The following CMKLR1 variants were observed in gnomAD, a reference collection of about 807,000 sequenced individuals.
CMKLR1 encodes the protein chemerin-like receptor 1.
A neutral mutation model predicts 8.2 loss-of-function variants in CMKLR1; 6 were observed. The ratio of observed to expected loss-of-function variants is 0.73; its 90% CI spans 0.40 to 1.44. The LOEUF (loss-of-function observed/expected upper bound fraction) is 1.44, where lower values mean the gene tolerates loss of function less well. Ranked by LOEUF, CMKLR1 falls within the 40% of genes most tolerant of loss-of-function variation. CMKLR1 has a pLI of 0.02. For synonymous variants in CMKLR1, 178 were observed against 181.2 expected (o/e 0.98, Z 0.14); for missense variants, 429 against 478.0 (o/e 0.90, Z 0.96).
intron 2 of CMKLR1, among the ~76,000 whole-genome samples, chr12:108,325,456 AC>A (rs1399469001): frequency 2.6e-5 from 4 of 152,062 alleles, no homozygotes; most frequent in African/African-American, 9.7e-5. Context: ...GGCAACTTGC[AC>A]CCCTACTGTT....
At position 108,291,243 on chromosome 12, in the gene CMKLR1, A is replaced by T. The variant is rs1890954923; in HGVS notation, c.*598T>A. 6.5e-6 allele frequency: 1 copy of T among 152,872 alleles called. No homozygotes were observed. Among genetic ancestry groups the T allele is most frequent in the East Asian group, 1.9e-4 (1 of 5,200 alleles). 9.5% of individuals were successfully genotyped at this position (152,872 alleles called of 1,614,324 possible). A position where few individuals can be genotyped will look rare whatever the true frequency, so the allele number is the denominator to read the frequency against. On this transcript the variant is annotated 3_prime_UTR_variant, in exon 4 of 4. Transcript: ENST00000550402. ...AGAGCCCACAGGACCTCTCAGGACC[A>T]GTTCTCTGTCTTCCTAGCTGATCCG... is the stretch of plus-strand genomic sequence containing the variant.
intron 1 of CMKLR1, among the ~76,000 whole-genome samples, chr12:108,335,219 G>C (rs910364852): frequency 6.6e-6 from 1 of 152,190 alleles, no homozygotes; most frequent in African/African-American, 2.4e-5. Context: ...GGCTGGGAAA[G>C]AGCTGCTCTT....
At chr12:108,311,603 G>T (rs768267027) in intron 2 of CMKLR1, among the ~76,000 whole-genome samples, 1 of 152,236 alleles carries the variant, frequency 6.6e-6, no homozygotes, top group Non-Finnish European at 1.5e-5. Context: ...TCCAGCCTGG[G>T]TGACAGAGCA....
Position 108,335,159 on chromosome 12 carries a change from A to T in CMKLR1, c.-287+3868T>A, listed in dbSNP as rs145163190. On this transcript the variant is annotated intron_variant, in intron 1 of 3. Coordinates refer to ENST00000550402, the MANE Select transcript of CMKLR1 (RefSeq NM_001142343.2). ...AGGTCACCACATTTGTGACAGAGACAGGTAGCTGTCCACAAAAATTCATTC... is the reference window on the plus strand; with the variant it reads ...AGGTCACCACATTTGTGACAGAGACTGGTAGCTGTCCACAAAAATTCATTC... 1.3e-3 allele frequency among the ~76,000 whole-genome samples: 198 copies of T among 152,328 alleles called. 3 individuals carry two copies. Among genetic ancestry groups the T allele is most frequent in the Admixed American group, 4.2e-3 (64 of 15,304 alleles).
In CMKLR1 at chr12:108,290,479, A is replaced by C. The variant is rs531948697; in HGVS notation, c.*1362T>G. ...TGCTAAATAAATGTAGGCTATCAAT[A>C]TACTAGAATAATCTCCACAGATAAA... On this transcript the variant is annotated 3_prime_UTR_variant, in exon 4 of 4. Coordinates refer to ENST00000550402, the MANE Select transcript of CMKLR1 (RefSeq NM_001142343.2). 2.4e-4 allele frequency: 37 copies of C among 152,248 alleles called. No homozygotes were observed. The highest frequency in any genetic ancestry group is 6.5e-4 in the Admixed American group (10 of 15,292). The allele number at this position is 152,248 out of a possible 1,614,324, so 9.4% of individuals were successfully genotyped here.
chr12:108,302,319 G>C (rs888831681), intron 2 of CMKLR1, among the ~76,000 whole-genome samples: 3 of 152,230 alleles, frequency 2.0e-5, no homozygotes, highest in African/African-American at 7.2e-5. Context: ...GATGGCTCCT[G>C]AGTGAATATC....
In CMKLR1 at chr12:108,304,152, C is replaced by T. The variant is rs562189647; in HGVS notation, c.-73-10488G>A. On this transcript the variant is annotated intron_variant, in intron 2 of 3. Transcript: ENST00000550402. Reference sequence around the variant, plus strand: ...GGAGGACAGCAAGGTTGGGTGTTTACCCTCCAGCTCCTTCCCTGTAGGGTC... The same window carrying T: ...GGAGGACAGCAAGGTTGGGTGTTTATCCTCCAGCTCCTTCCCTGTAGGGTC... Among the ~76,000 whole-genome samples the T allele has an allele frequency of 5.9e-5, 9 of 152,290 alleles. No homozygotes were observed. In the East Asian group the frequency reaches 1.7e-3, roughly 29 times the overall value.
At chr12:108,335,867 T>C (rs1272780177) in intron 1 of CMKLR1, among the ~76,000 whole-genome samples, 1 of 152,224 alleles carries the variant, frequency 6.6e-6, no homozygotes, top group East Asian at 1.9e-4. Flanking sequence ...GACTTTCATT[T>C]GTGGAAAGGA....
chr12:108,301,694 G>T (rs555177057), intron 2 of CMKLR1, among the ~76,000 whole-genome samples: 2 of 152,206 alleles, frequency 1.3e-5, no homozygotes, highest in Non-Finnish European at 2.9e-5. Flanking sequence ...CAAAGGGGGT[G>T]TATCCTTCCC....
At chr12:108,302,089 T>C (rs1891291608) in intron 2 of CMKLR1, among the ~76,000 whole-genome samples, 1 of 152,016 alleles carries the variant, frequency 6.6e-6, no homozygotes. Flanking sequence ...GACAGGACAA[T>C]GGGCAAATGA....
rs1352737265 is a variant in CMKLR1, at chr12:108,329,411, G to A, written c.-74+584C>T. ...CCAACTGCTCCTATAAGCAACTGAA[G>A]GCCAATTCACCCTTTGAACCCAGCT... On this transcript the variant is annotated intron_variant, in intron 2 of 3. Transcript: ENST00000550402. Among the ~76,000 whole-genome samples the A allele has an allele frequency of 3.3e-5, 5 of 152,156 alleles. No individual in the cohort carries two copies. In the South Asian group the frequency reaches 1.0e-3, roughly 32 times the overall value.
intron 2 of CMKLR1, among the ~76,000 whole-genome samples, chr12:108,327,143 G>T (rs1891998208): frequency 6.6e-6 from 1 of 152,190 alleles, no homozygotes; most frequent in African/African-American, 2.4e-5. Flanking sequence ...GCTGCTAGAG[G>T]GTGGCTGCCT....
At chr12:108,327,550 C>T (rs1039029153) in intron 2 of CMKLR1, among the ~76,000 whole-genome samples, 3 of 152,206 alleles carry the variant, frequency 2.0e-5, no homozygotes, top group African/African-American at 2.4e-5. Context: ...TCTCTCTGGG[C>T]CTCCATTTCC....
chr12:108,315,220 G>A (rs1891691578), intron 2 of CMKLR1, among the ~76,000 whole-genome samples: 1 of 152,124 alleles, frequency 6.6e-6, no homozygotes, highest in Non-Finnish European at 1.5e-5. Context: ...ACTGCACCCA[G>A]CCCAAACACA....
chr12:108,315,493 G>A (rs1891697311), intron 2 of CMKLR1, among the ~76,000 whole-genome samples: 1 of 152,172 alleles, frequency 6.6e-6, no homozygotes, highest in Non-Finnish European at 1.5e-5. Context: ...AGAAGCTCCT[G>A]TGTACTAGCC....
At chr12:108,323,030 C>T (rs1383070832) in intron 2 of CMKLR1, among the ~76,000 whole-genome samples, 1 of 152,168 alleles carries the variant, frequency 6.6e-6, no homozygotes, top group Non-Finnish European at 1.5e-5. Flanking sequence ...CAGTGCCCAC[C>T]TGAATCCCCC....
At chr12:108,318,854 A>G (rs1170038495) in intron 2 of CMKLR1, among the ~76,000 whole-genome samples, 1 of 152,216 alleles carries the variant, frequency 6.6e-6, no homozygotes, top group Non-Finnish European at 1.5e-5. Context: ...TTTTAAAATA[A>G]AATAGTGATC....
At chr12:108,306,576 G>A (rs73407494) in intron 2 of CMKLR1, among the ~76,000 whole-genome samples, 1,764 of 152,234 alleles carry the variant, frequency 0.012, 29 homozygotes, top group African/African-American at 0.04. Flanking sequence ...CTCCTAACTG[G>A]TTAGAAACCT....
rs1566016461 is a variant in CMKLR1 at position 108,291,892 on chromosome 12, T to A, written c.1071A>T (p.Ser357=). The A allele has an allele frequency of 1.2e-6, 2 of 1,614,168 alleles. No individual in the cohort carries two copies. The highest frequency in any genetic ancestry group is 1.7e-6 in the Non-Finnish European group (2 of 1,180,014). ...TCATAGAAGTCCTCTCATTCATTGA[T>A]GACATCTTGGTAAAGCTTCTATGGC... ...YPSHRSFTKM[S]SMNERTSMNE... is the part of the protein sequence containing the mutation. Residue 357 remains serine, a synonymous_variant, in exon 4 of 4, where the codon TCA becomes TCT. Coordinates refer to ENST00000550402, the MANE Select transcript of CMKLR1 (RefSeq NM_001142343.2).
Sources: gnomAD v4.1 joint callset for allele counts (sites outside exome capture counted in the v4.1 genomes callset) on GRCh38, gnomAD v4.1.1 for gene constraint, MANE v1.5 for transcripts, NCBI Gene and HGNC (gene_info 2026-07-23, HGNC 2026-07-21) for gene names.